PCDHGA6: variants seen among roughly 807,000 people sequenced by gnomAD.
PCDHGA6 encodes the protein protocadherin gamma-A6.
A neutral mutation model predicts 60.6 loss-of-function variants in PCDHGA6; 41 were observed. The observed-to-expected ratio is 0.68, with a 90% confidence interval of 0.53 to 0.88. PCDHGA6 has a LOEUF of 0.88. Among genes scored for constraint, PCDHGA6 ranks in the 40% least tolerant of loss-of-function variants. PCDHGA6 has a pLI of 0.00. For missense variants in PCDHGA6, 1,312 were observed against 1,203.0 expected, an observed-to-expected ratio of 1.09 and a Z score of -1.34; for synonymous variants, 594 against 524.4, an observed-to-expected ratio of 1.13 and a Z score of -1.81.
chr5:141,392,844 G>C lies in PCDHGA6; in HGVS notation c.2424+16337G>C, dbSNP rs201895231. On this transcript the variant is annotated intron_variant, in intron 1 of 3. Coordinates refer to ENST00000517434, the MANE Select transcript of PCDHGA6 (RefSeq NM_018919.3). ...CGCTCCACAGAGTCGCCCCAGACGCGGCGAGCTGATCCTGCTGTGCGCGCT... is the reference window on the plus strand; with the variant it reads ...CGCTCCACAGAGTCGCCCCAGACGCCGCGAGCTGATCCTGCTGTGCGCGCT... 32 of 1,609,468 alleles carry C rather than the reference G, an allele frequency of 2.0e-5. No homozygotes were observed. The highest frequency in any genetic ancestry group is 2.5e-5 in the Non-Finnish European group (29 of 1,177,978).
At chr5:141,397,858 C>G in intron 1 of PCDHGA6, 2 of 559,034 alleles carry the variant, frequency 3.6e-6, no homozygotes, top group South Asian at 2.6e-5. Context: ...GCTGTAGTTT[C>G]CTAGTGCTGA....
In PCDHGA6 at chr5:141,490,376, C is replaced by T. The variant is rs761956816; in HGVS notation, c.2425-4431C>T. 2 of 1,614,184 alleles carry T rather than the reference C, an allele frequency of 1.2e-6. No individual in the cohort carries two copies. The highest frequency in any genetic ancestry group is 1.7e-6 in the Non-Finnish European group (2 of 1,180,036). ...TTGTTTAATGTGCGAGACCGGGACT[C>T]AGGTAGAAATGGTGAAGTGAGCCTT... is the stretch of plus-strand genomic sequence containing the variant. On this transcript the variant is annotated intron_variant, in intron 1 of 3. Transcript: ENST00000517434. The surrounding 1 kb of genome is among the most constrained non-coding windows in gnomAD (Gnocchi z 5.4).
chr5:141,511,537 A>C lies in PCDHGA6; in HGVS notation c.*364A>C. 6.3e-6 allele frequency: 2 copies of C among 319,254 alleles called. No individual in the cohort carries two copies. The highest frequency in any genetic ancestry group is 6.7e-5 in the South Asian group (2 of 29,854). 19.8% of individuals were successfully genotyped at this position (319,254 alleles called of 1,614,324 possible). A position where few individuals can be genotyped will look rare whatever the true frequency, so the allele number is the denominator to read the frequency against. On this transcript the variant is annotated 3_prime_UTR_variant, in exon 4 of 4. Transcript: ENST00000517434. ...TCCATCCCATGCCTCCCTCCTCCCC[A>C]CCCCACTCCAACAGTTCCTCTTTCC... is the stretch of plus-strand genomic sequence containing the variant.
At position 141,491,117 on chromosome 5, in the gene PCDHGA6, G is replaced by A; in HGVS notation, c.2425-3690G>A. ...CTGTTCCTCGTGTCTACACACACTGGTGAGGTGCGCACAGCCCGGGCCTTA... is the reference window on the plus strand; with the variant it reads ...CTGTTCCTCGTGTCTACACACACTGATGAGGTGCGCACAGCCCGGGCCTTA... On this transcript the variant is annotated intron_variant, in intron 1 of 3. Coordinates refer to ENST00000517434, the MANE Select transcript of PCDHGA6 (RefSeq NM_018919.3). The surrounding 1 kb of genome is among the most constrained non-coding windows in gnomAD (Gnocchi z 6.9). 1 of 1,614,196 alleles carries A rather than the reference G, an allele frequency of 6.2e-7. No homozygotes were observed.
chr5:141,375,488 G>C lies in PCDHGA6; in HGVS notation c.1405G>C (p.Ala469Pro), dbSNP rs948208439. 6.2e-7 allele frequency: 1 copy of C among 1,613,976 alleles called. No individual in the cohort carries two copies. The highest frequency in any genetic ancestry group is 8.5e-7 in the Non-Finnish European group (1 of 1,179,974). Reference protein sequence around the residue: ...VYVLENNPRGASIFSVNALDP... With the variant: ...VYVLENNPRGPSIFSVNALDP... ...TGTCCTTGAAAACAACCCCAGGGGT[G>C]CCTCCATCTTCTCTGTGAATGCACT... is the stretch of plus-strand genomic sequence containing the variant. Residue 469 changes from alanine to proline, a missense_variant, in exon 1 of 4, where the codon GCC (alanine) becomes CCC (proline). By Grantham distance (27) the Ala-to-Pro change is conservative (BLOSUM62 -1). Coordinates refer to ENST00000517434, the MANE Select transcript of PCDHGA6 (RefSeq NM_018919.3).
intron 1 of PCDHGA6, among the ~76,000 whole-genome samples, chr5:141,451,985 A>G (rs1460304088): frequency 6.6e-6 from 1 of 152,202 alleles, no homozygotes; most frequent in Non-Finnish European, 1.5e-5. Context: ...TAGTTTGTTC[A>G]TTAGAAGCAA....
At chr5:141,504,206 A>G (rs1209911822) in intron 2 of PCDHGA6, among the ~76,000 whole-genome samples, 1 of 152,218 alleles carries the variant, frequency 6.6e-6, no homozygotes, top group African/African-American at 2.4e-5. Flanking sequence ...CTGTGGGAAA[A>G]TTCCAAGTAG....
At chr5:141,471,504 G>A (rs1487198851) in intron 1 of PCDHGA6, 1 of 152,214 alleles carries the variant, frequency 6.6e-6, no homozygotes, top group Non-Finnish European at 1.5e-5. Flanking sequence ...ATGCAAGAGA[G>A]GGAGTAAAAA....
intron 1 of PCDHGA6, chr5:141,430,886 T>C: frequency 6.2e-7 from 1 of 1,605,190 alleles, no homozygotes; most frequent in Non-Finnish European, 8.5e-7. Context: ...GGAGAAAGGC[T>C]CTAGGGTGGG....
chr5:141,466,206 T>C (rs2099118813), intron 1 of PCDHGA6, among the ~76,000 whole-genome samples: 1 of 152,126 alleles, frequency 6.6e-6, no homozygotes, highest in Admixed American at 6.5e-5. Flanking sequence ...AGCCTTGCTC[T>C]GTTACCCAGG....
chr5:141,414,457 G>A (rs1319960665), intron 1 of PCDHGA6: 7 of 1,613,872 alleles, frequency 4.3e-6, no homozygotes, highest in Non-Finnish European at 5.9e-6. Flanking sequence ...CACAGTGACA[G>A]CCACAGATGG....
chr5:141,394,528 C>A (rs1465272752), intron 1 of PCDHGA6: 1 of 1,614,214 alleles, frequency 6.2e-7, no homozygotes, highest in Non-Finnish European at 8.5e-7. Flanking sequence ...ACAGACGGTT[C>A]CACTGGCGTG....
intron 1 of PCDHGA6, chr5:141,391,629 T>C (rs1048656119): frequency 6.6e-6 from 1 of 152,234 alleles, no homozygotes; most frequent in African/African-American, 2.4e-5. Flanking sequence ...AAGAAAGTTT[T>C]AGTCAGTGAA....
Position 141,421,822 on chromosome 5 carries a change from G to A in PCDHGA6, c.2424+45315G>A, listed in dbSNP as rs2096603648. On this transcript the variant is annotated intron_variant, in intron 1 of 3. Transcript: ENST00000517434. ...CAAGAATCCAGAGCTAGTACTGGAG[G>A]GAAGCCTGGACCGAGAGAAAGAGGC... 3.7e-6 allele frequency: 6 copies of A among 1,613,690 alleles called. No homozygotes were observed. The East Asian group carries it at 1.1e-4, about 30-fold the overall frequency.
At chr5:141,417,932 T>A (rs1398348549) in intron 1 of PCDHGA6, 2 of 1,611,670 alleles carry the variant, frequency 1.2e-6, no homozygotes, top group East Asian at 4.5e-5. Flanking sequence ...GCTGCCTTTG[T>A]TCTACCCCAC....
chr5:141,427,491 G>A (rs1158414276), intron 1 of PCDHGA6: 1 of 553,626 alleles, frequency 1.8e-6, no homozygotes, highest in Non-Finnish European at 3.4e-6. Context: ...CTATAAGCTT[G>A]TAACAGATGG....
At chr5:141,450,293 G>A (rs879439714) in intron 1 of PCDHGA6, among the ~76,000 whole-genome samples, 6 of 151,746 alleles carry the variant, frequency 4.0e-5, no homozygotes, top group Non-Finnish European at 7.4e-5. Flanking sequence ...GATTACAGGC[G>A]TGAGCCACCA....
intron 1 of PCDHGA6, chr5:141,429,169 T>TACAC (rs10667977): frequency 0.077 from 11,199 of 145,388 alleles, 458 homozygotes; most frequent in African/African-American, 0.081. Flanking sequence ...ACATTGTTTA[T>TACAC]ACACACACAC....
chr5:141,377,925 G>A (rs1473713121), intron 1 of PCDHGA6: 1 of 152,134 alleles, frequency 6.6e-6, no homozygotes, highest in Non-Finnish European at 1.5e-5. Context: ...AAATCCACCT[G>A]TAACTGCTGC....
Sources: gnomAD v4.1 joint callset for allele counts (sites outside exome capture counted in the v4.1 genomes callset) on GRCh38, gnomAD v4.1.1 for gene constraint, Gnocchi (gnomAD v3.1) non-coding constraint, MANE v1.5 for transcripts, NCBI Gene and HGNC (gene_info 2026-07-23, HGNC 2026-07-21) for gene names.